EGFR: variants seen among roughly 807,000 people sequenced by gnomAD.
EGFR encodes the protein epidermal growth factor receptor.
In EGFR, 58 loss-of-function variants were observed where a neutral mutation model predicts 143.0. The observed-to-expected ratio is 0.41, with a 90% CI of 0.33 to 0.50. The LOEUF is 0.50. Ranked by LOEUF, EGFR falls within the 20% of genes least tolerant of loss-of-function variation. The pLI is 0.39. For missense variants in EGFR, 1,307 were observed against 1,579.0 expected (o/e 0.83, Z 2.92); for synonymous variants, 613 against 594.4 (o/e 1.03, Z -0.45).
At chr7:55,195,219 T>A (rs977394109) in intron 22 of EGFR, among the ~76,000 whole-genome samples, 1 of 152,224 alleles carries the variant, frequency 6.6e-6, no homozygotes, top group Admixed American at 6.5e-5. Context: ...GGGCAGGGGA[T>A]GACACAAGAA....
At chr7:55,082,653 C>G (rs915689254) in intron 1 of EGFR, among the ~76,000 whole-genome samples, 2 of 152,212 alleles carry the variant, frequency 1.3e-5, no homozygotes, top group Non-Finnish European at 2.9e-5. Context: ...ATAGACCACT[C>G]GTCCCTGTGG....
intron 1 of EGFR, among the ~76,000 whole-genome samples, chr7:55,107,959 C>G (rs141160013): frequency 6.6e-6 from 1 of 152,348 alleles, no homozygotes; most frequent in African/African-American, 2.4e-5. Flanking sequence ...ACCTCCACTG[C>G]TGTATAAAAG....
In EGFR at chr7:55,067,273, T is replaced by C. The variant is rs949137265; in HGVS notation, c.88+47908T>C. On this transcript the variant is annotated intron_variant, in intron 1 of 27. Transcript: ENST00000275493. ...AGGAAAGTGCTGTCGTCTCCTGCAA[T>C]GCTTTCAAGACTATTCAGAAGCACA... Among the ~76,000 whole-genome samples the C allele has an allele frequency of 1.3e-4, 20 of 151,780 alleles. 2 individuals are homozygous for C. The highest frequency in any genetic ancestry group is 4.4e-4 in the African/African-American group (18 of 41,008).
chr7:55,209,211 T>G lies in EGFR; in HGVS notation c.*3594T>G, dbSNP rs373118934. 1.3e-5 allele frequency: 2 copies of G among 152,262 alleles called. No homozygotes were observed. The highest frequency in any genetic ancestry group is 1.3e-4 in the Admixed American group (2 of 15,304). 9.4% of individuals were successfully genotyped at this position (152,262 alleles called of 1,614,324 possible). A position where few individuals can be genotyped will look rare whatever the true frequency, so the allele number is the denominator to read the frequency against. ...TAATGGGCAACCAGGGTTGAAACCC[T>G]TATTTCTAGGGTCTTCAGTTGTACA... On this transcript the variant is annotated 3_prime_UTR_variant, in exon 28 of 28. Coordinates refer to ENST00000275493, the MANE Select transcript of EGFR (RefSeq NM_005228.5).
At chr7:55,111,399 T>C (rs1329243878) in intron 1 of EGFR, among the ~76,000 whole-genome samples, 2 of 152,068 alleles carry the variant, frequency 1.3e-5, no homozygotes, top group Non-Finnish European at 2.9e-5. Flanking sequence ...CTCACACCTT[T>C]TATTTATTAG....
Position 55,207,608 on chromosome 7 carries a change from G to A in EGFR, c.*1991G>A, listed in dbSNP as rs553533152. On this transcript the variant is annotated 3_prime_UTR_variant, in exon 28 of 28. Transcript: ENST00000275493. ...GGAGGATGACCAGGTCTCAGTCAGC[G>A]GGGAGGTGGAAAGTGCAGGTGCATC... The A allele has an allele frequency of 7.4e-5, 12 of 163,018 alleles. No homozygotes were observed. The highest frequency in any genetic ancestry group is 4.0e-4 in the East Asian group (3 of 7,464). The allele number at this position is 163,018 out of a possible 1,614,324, so 10.1% of individuals were successfully genotyped here.
At chr7:55,094,152 A>G (rs759746086) in intron 1 of EGFR, among the ~76,000 whole-genome samples, 1 of 152,226 alleles carries the variant, frequency 6.6e-6, no homozygotes, top group Non-Finnish European at 1.5e-5. Context: ...ACATCTGGTG[A>G]TATCATTTAT....
intron 1 of EGFR, among the ~76,000 whole-genome samples, chr7:55,042,976 T>A (rs17172426): frequency 0.048 from 7,372 of 152,154 alleles, 305 homozygotes; most frequent in South Asian, 0.16. Context: ...TGTCTTGAAG[T>A]TATAAAGCAC....
rs901404939 is a variant in EGFR at position 55,206,490 on chromosome 7, T to C, written c.*873T>C. On this transcript the variant is annotated 3_prime_UTR_variant, in exon 28 of 28. Coordinates refer to ENST00000275493, the MANE Select transcript of EGFR (RefSeq NM_005228.5). ...TTGGATTCATCAGCATTTGGACCAATAGCCCACAGCTGAGAATGTGGAATA... is the reference window on the plus strand; with the variant it reads ...TTGGATTCATCAGCATTTGGACCAACAGCCCACAGCTGAGAATGTGGAATA... 1.7e-5 allele frequency: 4 copies of C among 233,294 alleles called. No homozygotes were observed. Among genetic ancestry groups the C allele is most frequent in the South Asian group, 1.8e-4 (1 of 5,528 alleles). The allele number at this position is 233,294 out of a possible 1,614,324, so 14.5% of individuals were successfully genotyped here. A position where few individuals can be genotyped will look rare whatever the true frequency, so the allele number is the denominator to read the frequency against.
intron 1 of EGFR, among the ~76,000 whole-genome samples, chr7:55,141,355 C>T (rs139057993): frequency 2.3e-4 from 35 of 152,286 alleles, no homozygotes; most frequent in African/African-American, 7.7e-4. Context: ...TGGATCACCA[C>T]GTCCATTTCT....
At chr7:55,045,590 T>C (rs887913270) in intron 1 of EGFR, among the ~76,000 whole-genome samples, 45 of 152,206 alleles carry the variant, frequency 3.0e-4, no homozygotes, top group African/African-American at 1.0e-3. Flanking sequence ...GCTCCATCAC[T>C]TAAGTGGCTG....
chr7:55,036,699 CA>C (rs1408903229), intron 1 of EGFR, among the ~76,000 whole-genome samples: 2 of 152,092 alleles, frequency 1.3e-5, no homozygotes, highest in Non-Finnish European at 2.9e-5. Context: ...CTCTTAAATT[CA>C]AAGTGGCCCT....
At chr7:55,027,307 A>T (rs1056849134) in intron 1 of EGFR, among the ~76,000 whole-genome samples, 1 of 152,172 alleles carries the variant, frequency 6.6e-6, no homozygotes, top group Non-Finnish European at 1.5e-5. Context: ...GTTTCTCAGA[A>T]ACAGAATGCT....
At chr7:55,126,713 C>G (rs1793542780) in intron 1 of EGFR, among the ~76,000 whole-genome samples, 1 of 152,184 alleles carries the variant, frequency 6.6e-6, no homozygotes, top group Non-Finnish European at 1.5e-5. Context: ...TCAATAGTTT[C>G]CTTATTAGGT....
intron 1 of EGFR, among the ~76,000 whole-genome samples, chr7:55,024,827 T>G (rs1786786448): frequency 6.6e-6 from 1 of 152,182 alleles, no homozygotes; most frequent in African/African-American, 2.4e-5. Context: ...ATAATAAGTG[T>G]GAAACAATGT....
intron 1 of EGFR, among the ~76,000 whole-genome samples, chr7:55,078,766 T>C (rs1047038973): frequency 1.3e-5 from 2 of 152,158 alleles, no homozygotes; most frequent in Non-Finnish European, 2.9e-5. Flanking sequence ...CTGAGATGGT[T>C]TGGGCAGCCC....
At chr7:55,035,269 A>T (rs73131830) in intron 1 of EGFR, among the ~76,000 whole-genome samples, 1 of 152,152 alleles carries the variant, frequency 6.6e-6, no homozygotes, top group African/African-American at 2.4e-5. Flanking sequence ...CTTTCAAAAC[A>T]CATTTTATTT....
At chr7:55,155,379 T>C (rs1785361618) in intron 7 of EGFR, among the ~76,000 whole-genome samples, 1 of 151,848 alleles carries the variant, frequency 6.6e-6, no homozygotes, top group South Asian at 2.1e-4. Flanking sequence ...GAGGCGGAGG[T>C]TGCAGTGAGC....
intron 1 of EGFR, among the ~76,000 whole-genome samples, chr7:55,066,232 A>T (rs1040679805): frequency 1.3e-5 from 2 of 152,226 alleles, no homozygotes; most frequent in African/African-American, 2.4e-5. Flanking sequence ...CTACATTTTT[A>T]AAAAATCCAG....
Sources: allele counts gnomAD v4.1 joint callset (sites outside exome capture counted in the v4.1 genomes callset), GRCh38; gene constraint gnomAD v4.1.1; transcripts MANE v1.5; gene names NCBI Gene and HGNC (gene_info 2026-07-23, HGNC 2026-07-21).